Variants in CABCOCO1 observed in about 807,000 individuals in gnomAD.
The protein encoded by CABCOCO1 is ciliary associated calcium binding coiled-coil 1.
A neutral mutation model predicts 35.7 loss-of-function variants in CABCOCO1; 28 were observed. That is an observed-to-expected ratio of 0.78 (90% CI 0.58 to 1.07). The LOEUF is 1.07. Ranked by LOEUF, CABCOCO1 falls within the 50% of genes least tolerant of loss-of-function variation. The probability of loss-of-function intolerance (pLI) is 0.00; values close to 1 mark genes in which losing one functional copy is unlikely to be tolerated. For synonymous variants in CABCOCO1, 95 were observed against 100.1 expected, an observed-to-expected ratio of 0.95 and a Z score of 0.30; for missense variants, 326 against 309.2, an observed-to-expected ratio of 1.05 and a Z score of -0.41.
chr10:61,707,641 G>A (rs1840625516), intron 5 of CABCOCO1, among the ~76,000 whole-genome samples: 1 of 152,028 alleles, frequency 6.6e-6, no homozygotes, highest in Non-Finnish European at 1.5e-5. Flanking sequence ...GTGTGCTAAA[G>A]GGAACAGTCC....
rs55784501 is a variant in CABCOCO1 at position 61,710,253 on chromosome 10, AGTGTGTGTGTGTGTGTGTGTGTGT to A, written c.552+19651_552+19674del. Among the ~76,000 whole-genome samples the A allele has an allele frequency of 4.8e-5, 7 of 146,668 alleles. No individual in the cohort carries two copies. In the East Asian group the frequency reaches 6.2e-4, roughly 13 times the overall value. ...TGCTGAATTAATGTTTGTGTGTGTG[AGTGTGTGTGTGTGTGTGTGTGTGT>A]GTGTGTGTGTGTGTGTGTAGAGATA... On this transcript the variant is annotated intron_variant, in intron 5 of 7. Transcript: ENST00000648843.
chr10:61,672,672 C>T lies in CABCOCO1; in HGVS notation c.101C>T (p.Pro34Leu), dbSNP rs901858865. 62 of 983,644 alleles carry T rather than the reference C, an allele frequency of 6.3e-5. No individual in the cohort carries two copies. The highest frequency in any genetic ancestry group is 5.2e-4 in the Middle Eastern group (1 of 1,936). The allele number at this position is 983,644 out of a possible 1,614,324, so 60.9% of individuals were successfully genotyped here. The change falls in exon 2 of 8, where the codon CCG (proline) becomes CTG (leucine). Residue 34 changes from proline to leucine, a missense_variant. Physicochemically the swap from Pro to Leu is moderately conservative, Grantham distance 98 (BLOSUM62 -3). Coordinates refer to ENST00000648843, the MANE Select transcript of CABCOCO1 (RefSeq NM_001366906.2). The stretch of plus-strand genomic sequence containing the variant: ...CAGGAGCATGAAAAGATTCTGTCTC[C>T]GGATTTTCTTTCAGTTGCCCAAATC... ...EFQEHEKILS[P>L]DFLSVAQITD...
intron 2 of CABCOCO1, among the ~76,000 whole-genome samples, chr10:61,679,947 T>A (rs1839657018): frequency 1.3e-5 from 2 of 152,066 alleles, no homozygotes; most frequent in Non-Finnish European, 2.9e-5. Context: ...GAAAAAATTT[T>A]AAGGTTGAAG....
chr10:61,719,341 T>C (rs1840941425), intron 5 of CABCOCO1, among the ~76,000 whole-genome samples: 1 of 152,168 alleles, frequency 6.6e-6, no homozygotes, highest in African/African-American at 2.4e-5. Flanking sequence ...AGAGCAATTA[T>C]TAGGTGCAAT....
intron 4 of CABCOCO1, among the ~76,000 whole-genome samples, chr10:61,686,702 T>C (rs1839977080): frequency 6.6e-6 from 1 of 152,206 alleles, no homozygotes; most frequent in Admixed American, 6.5e-5. Flanking sequence ...TTACATCCCC[T>C]GAAATATCTT....
chr10:61,704,131 G>A (rs1221739181), intron 5 of CABCOCO1, among the ~76,000 whole-genome samples: 2 of 152,170 alleles, frequency 1.3e-5, no homozygotes, highest in African/African-American at 4.8e-5. Flanking sequence ...GGCTGAGTCA[G>A]GAGAATCGCT....
chr10:61,718,188 T>G (rs898394783), intron 5 of CABCOCO1, among the ~76,000 whole-genome samples: 1 of 152,200 alleles, frequency 6.6e-6, no homozygotes, highest in Admixed American at 6.5e-5. Context: ...TTGTTTTCCA[T>G]AAAATCAGTA....
chr10:61,746,807 GGAAATGAATTTAAATA>G (rs1841672459), intron 5 of CABCOCO1, among the ~76,000 whole-genome samples: 1 of 151,976 alleles, frequency 6.6e-6, no homozygotes, highest in Non-Finnish European at 1.5e-5. Context: ...TGGAATAATA[GGAAATGAATTTAAATA>G]GAAACACTTC....
intron 5 of CABCOCO1, among the ~76,000 whole-genome samples, chr10:61,726,500 C>T (rs1302523385): frequency 6.6e-6 from 1 of 151,822 alleles, no homozygotes; most frequent in African/African-American, 2.4e-5. Context: ...TAATTATTTA[C>T]AATGGGACGT....
chr10:61,752,509 G>A lies in CABCOCO1; in HGVS notation c.553-7550G>A, dbSNP rs185630713. Reference sequence around the variant, plus strand: ...CAAACTATGAATAAAATATCTAAACGTAAACATCATGCTTTCTGCAAATTT... The same window carrying A: ...CAAACTATGAATAAAATATCTAAACATAAACATCATGCTTTCTGCAAATTT... On this transcript the variant is annotated intron_variant, in intron 5 of 7. Coordinates refer to ENST00000648843, the MANE Select transcript of CABCOCO1 (RefSeq NM_001366906.2). 2.0e-5 allele frequency among the ~76,000 whole-genome samples: 3 copies of A among 152,220 alleles called. No individual in the cohort carries two copies. In the East Asian group the frequency reaches 5.8e-4, roughly 29 times the overall value.
At chr10:61,746,585 T>A (rs1202320883) in intron 5 of CABCOCO1, among the ~76,000 whole-genome samples, 1 of 152,168 alleles carries the variant, frequency 6.6e-6, no homozygotes, top group Non-Finnish European at 1.5e-5. Flanking sequence ...TCATATCATA[T>A]AAATCATCAC....
chr10:61,689,179 A>T (rs1279544470), intron 4 of CABCOCO1, among the ~76,000 whole-genome samples: 1 of 152,170 alleles, frequency 6.6e-6, no homozygotes, highest in African/African-American at 2.4e-5. Context: ...TGTTTCCAAA[A>T]TACTCTATAG....
chr10:61,715,480 T>C (rs1459045908), intron 5 of CABCOCO1, among the ~76,000 whole-genome samples: 1 of 152,200 alleles, frequency 6.6e-6, no homozygotes, highest in Non-Finnish European at 1.5e-5. Flanking sequence ...TGCCAGTCTG[T>C]GTCCTTTAAT....
At chr10:61,740,253 T>C (rs1841519959) in intron 5 of CABCOCO1, among the ~76,000 whole-genome samples, 1 of 152,218 alleles carries the variant, frequency 6.6e-6, no homozygotes, top group South Asian at 2.1e-4. Flanking sequence ...AACTCTTGTA[T>C]AATAATCTAT....
intron 5 of CABCOCO1, among the ~76,000 whole-genome samples, chr10:61,728,259 A>C (rs1841210831): frequency 1.3e-5 from 2 of 152,078 alleles, no homozygotes; most frequent in Non-Finnish European, 2.9e-5. Flanking sequence ...TAAATATATA[A>C]AGTTAGTTCT....
chr10:61,695,106 G>A (rs1008133919), intron 5 of CABCOCO1, among the ~76,000 whole-genome samples: 1 of 151,780 alleles, frequency 6.6e-6, no homozygotes, highest in African/African-American at 2.4e-5. Context: ...TTAGTCATGT[G>A]CTTGAAAATA....
In CABCOCO1 at chr10:61,713,308, G is replaced by C. The variant is rs12571920; in HGVS notation, c.552+22687G>C. The stretch of plus-strand genomic sequence containing the variant: ...TCACTCATGATTTGGCTCTCTGTTT[G>C]TCTGTTATTCGTGTATAAGAATGCC... On this transcript the variant is annotated intron_variant, in intron 5 of 7. Coordinates refer to ENST00000648843, the MANE Select transcript of CABCOCO1 (RefSeq NM_001366906.2). Among the ~76,000 whole-genome samples the C allele has an allele frequency of 1.8e-4, 28 of 152,212 alleles. No homozygotes were observed. In the East Asian group the frequency reaches 4.3e-3, roughly 23 times the overall value.
At chr10:61,706,916 T>C (rs568027139) in intron 5 of CABCOCO1, among the ~76,000 whole-genome samples, 2 of 152,282 alleles carry the variant, frequency 1.3e-5, no homozygotes, top group East Asian at 3.9e-4. Context: ...TAATAACAGA[T>C]AGGATGCTGT....
At chr10:61,727,509 C>G (rs921559798) in intron 5 of CABCOCO1, among the ~76,000 whole-genome samples, 2 of 152,138 alleles carry the variant, frequency 1.3e-5, no homozygotes, top group East Asian at 1.9e-4. Flanking sequence ...CACAGAATTT[C>G]TCTCCTGTAA....
Sources: gnomAD v4.1 joint callset for allele counts (sites outside exome capture counted in the v4.1 genomes callset) on GRCh38, gnomAD v4.1.1 for gene constraint, MANE v1.5 for transcripts, NCBI Gene and HGNC (gene_info 2026-07-23, HGNC 2026-07-21) for gene names.